HS6ST3: variants seen among roughly 807,000 people sequenced by gnomAD.
The protein encoded by HS6ST3 is heparan-sulfate 6-O-sulfotransferase 3.
A neutral mutation model predicts 36.7 loss-of-function variants in HS6ST3; 12 were observed. That is an observed-to-expected ratio of 0.33 (90% CI 0.21 to 0.53). HS6ST3 has a LOEUF of 0.53. Among genes scored for constraint, HS6ST3 ranks in the 20% least tolerant of loss-of-function variants. HS6ST3 has a pLI of 0.95. For missense variants in HS6ST3, 584 were observed against 640.9 expected (o/e 0.91, Z 0.96); for synonymous variants, 240 against 257.5 (o/e 0.93, Z 0.65).
intron 1 of HS6ST3, among the ~76,000 whole-genome samples, chr13:96,305,088 T>C (rs1257091854): frequency 2.6e-5 from 4 of 152,154 alleles, no homozygotes; most frequent in Non-Finnish European, 4.4e-5. Context: ...AGGAATCTAA[T>C]AATTCTTCTG....
intron 1 of HS6ST3, among the ~76,000 whole-genome samples, chr13:96,493,971 G>A (rs576279478): frequency 2.0e-5 from 3 of 152,240 alleles, no homozygotes; most frequent in African/African-American, 4.8e-5. Context: ...GTTCAGAGTC[G>A]TGACTCAAAC....
chr13:96,382,424 G>T (rs796127927), intron 1 of HS6ST3, among the ~76,000 whole-genome samples: 8 of 152,264 alleles, frequency 5.3e-5, no homozygotes, highest in African/African-American at 1.9e-4. Context: ...TATTGACTAT[G>T]ATTTGGAAGA....
chr13:96,559,578 T>C (rs991971299), intron 1 of HS6ST3, among the ~76,000 whole-genome samples: 1 of 152,200 alleles, frequency 6.6e-6, no homozygotes, highest in Non-Finnish European at 1.5e-5. Context: ...TTTGGTTCTA[T>C]TAATGAGCTA....
chr13:96,788,712 G>A (rs1286694699), intron 1 of HS6ST3, among the ~76,000 whole-genome samples: 2 of 151,768 alleles, frequency 1.3e-5, no homozygotes, highest in East Asian at 1.9e-4. Flanking sequence ...TCTATTGTTA[G>A]GTGCATACAC....
chr13:96,454,403 A>G (rs1192526035), intron 1 of HS6ST3, among the ~76,000 whole-genome samples: 1 of 152,164 alleles, frequency 6.6e-6, no homozygotes, highest in Non-Finnish European at 1.5e-5. Context: ...AGTACTATGA[A>G]AATTTGATTT....
chr13:96,298,987 A>G (rs2054868630), intron 1 of HS6ST3, among the ~76,000 whole-genome samples: 1 of 152,232 alleles, frequency 6.6e-6, no homozygotes, highest in Non-Finnish European at 1.5e-5. Flanking sequence ...TTTAACTTTT[A>G]GGTAAGCTAG....
chr13:96,690,400 AG>A (rs1273533495), intron 1 of HS6ST3, among the ~76,000 whole-genome samples: 1 of 152,136 alleles, frequency 6.6e-6, no homozygotes, highest in East Asian at 1.9e-4. Flanking sequence ...TCATAACAAA[AG>A]CTTTTCTAGA....
At chr13:96,828,473 T>G (rs1466031813) in intron 1 of HS6ST3, among the ~76,000 whole-genome samples, 3 of 152,174 alleles carry the variant, frequency 2.0e-5, no homozygotes, top group African/African-American at 7.2e-5. Context: ...GGTTGAGTTT[T>G]TCCTACAAAA....
chr13:96,562,647 C>T (rs140942762), intron 1 of HS6ST3, among the ~76,000 whole-genome samples: 2,413 of 152,130 alleles, frequency 0.016, 31 homozygotes, highest in Non-Finnish European at 0.026. Flanking sequence ...AAAGGACTGA[C>T]AAAGGAAGTT....
At chr13:96,775,974 A>T (rs1877378523) in intron 1 of HS6ST3, among the ~76,000 whole-genome samples, 1 of 152,332 alleles carries the variant, frequency 6.6e-6, no homozygotes, top group Non-Finnish European at 1.5e-5. Context: ...AAAGAATGGA[A>T]ATCATAACAA....
intron 1 of HS6ST3, among the ~76,000 whole-genome samples, chr13:96,617,563 A>G (rs1384762801): frequency 6.6e-6 from 1 of 152,166 alleles, no homozygotes; most frequent in African/African-American, 2.4e-5. Context: ...GCTTTCATGA[A>G]GGGTTAGAGT....
intron 1 of HS6ST3, among the ~76,000 whole-genome samples, chr13:96,385,923 A>G (rs1184348264): frequency 6.6e-6 from 1 of 152,196 alleles, no homozygotes; most frequent in Non-Finnish European, 1.5e-5. Flanking sequence ...ATTTAAATCT[A>G]GGCCTGGGCT....
At chr13:96,832,306 T>C (rs1304042874) in intron 1 of HS6ST3, among the ~76,000 whole-genome samples, 184 bp from the exon 2 acceptor site, 1 of 152,150 alleles carries the variant, frequency 6.6e-6, no homozygotes, top group African/African-American at 2.4e-5. Flanking sequence ...GTATTGAAAA[T>C]TGGTACATAC....
At position 96,242,675 on chromosome 13, in the gene HS6ST3, G is replaced by C. The variant is rs148515716; in HGVS notation, c.707+151106G>C. 6.1e-3 allele frequency among the ~76,000 whole-genome samples: 925 copies of C among 152,202 alleles called. 7 individuals carry two copies. The highest frequency in any genetic ancestry group is 8.7e-3 in the Non-Finnish European group (592 of 68,026). On this transcript the variant is annotated intron_variant, in intron 1 of 1. Coordinates refer to ENST00000376705, the MANE Select transcript of HS6ST3 (RefSeq NM_153456.4). ...TTTAAGGTTGAATCATGAAGATAAC[G>C]AGTGTTGGTGAGGTTCTGGAGAAAT... is the stretch of plus-strand genomic sequence containing the variant.
At chr13:96,221,257 G>C (rs2054453770) in intron 1 of HS6ST3, among the ~76,000 whole-genome samples, 1 of 152,126 alleles carries the variant, frequency 6.6e-6, no homozygotes, top group Non-Finnish European at 1.5e-5. Flanking sequence ...TATTTGTGTG[G>C]GGTACATATG....
intron 1 of HS6ST3, among the ~76,000 whole-genome samples, chr13:96,606,003 C>G (rs144471808): frequency 6.6e-6 from 1 of 152,146 alleles, no homozygotes; most frequent in East Asian, 1.9e-4. Context: ...CAGATACATG[C>G]AAATCAAAAC....
intron 1 of HS6ST3, among the ~76,000 whole-genome samples, chr13:96,121,008 A>G (rs2053922945): frequency 6.6e-6 from 1 of 152,222 alleles, no homozygotes; most frequent in Non-Finnish European, 1.5e-5. Context: ...GGATAGGAAA[A>G]GTGCCTAATT....
In HS6ST3 at chr13:96,164,556, G is replaced by GAA. The variant is rs1181401496; in HGVS notation, c.707+73000_707+73001dup. On this transcript the variant is annotated intron_variant, in intron 1 of 1. Coordinates refer to ENST00000376705, the MANE Select transcript of HS6ST3 (RefSeq NM_153456.4). ...TGGGAGACAGAATGAGACCCTGCCT[G>GAA]AAAAAAAAAAAAAAGATTATCAACT... is the stretch of plus-strand genomic sequence containing the variant. 9.5e-4 allele frequency among the ~76,000 whole-genome samples: 126 copies of GAA among 132,226 alleles called. 1 individual carries two copies. The highest frequency in any genetic ancestry group is 3.4e-3 in the African/African-American group (120 of 35,706). 86.7% of individuals were successfully genotyped at this position (132,226 alleles called of 152,430 possible). A position where few individuals can be genotyped will look rare whatever the true frequency, so the allele number is the denominator to read the frequency against.
chr13:96,768,283 A>G (rs747025016), intron 1 of HS6ST3, among the ~76,000 whole-genome samples: 4 of 152,226 alleles, frequency 2.6e-5, no homozygotes, highest in Non-Finnish European at 5.9e-5. Flanking sequence ...AGGAAAAAGG[A>G]AATGGATATT....
Sources: gnomAD v4.1 joint callset for allele counts (sites outside exome capture counted in the v4.1 genomes callset) on GRCh38, gnomAD v4.1.1 for gene constraint, MANE v1.5 for transcripts, NCBI Gene and HGNC (gene_info 2026-07-23, HGNC 2026-07-21) for gene names.